Variants in DNAJB6 observed in about 807,000 individuals in gnomAD.
DNAJB6 encodes the protein DnaJ heat shock protein family (Hsp40) member B6.
A neutral mutation model predicts 42.7 loss-of-function variants in DNAJB6; 16 were observed. That is an observed-to-expected ratio of 0.37 (90% confidence interval 0.25 to 0.57). The LOEUF (loss-of-function observed/expected upper bound fraction) is 0.57. DNAJB6 is among the 20% of genes least tolerant of loss of function. The probability of loss-of-function intolerance (pLI) is 0.74; values close to 1 mark genes in which losing one functional copy is unlikely to be tolerated. For missense variants in DNAJB6, 347 were observed against 416.8 expected (o/e 0.83, Z 1.46); for synonymous variants, 170 against 163.5 (o/e 1.04, Z -0.30).
intron 5 of DNAJB6, among the ~76,000 whole-genome samples, chr7:157,375,345 C>G (rs1044342297): frequency 6.6e-6 from 1 of 152,086 alleles, no homozygotes; most frequent in Non-Finnish European, 1.5e-5. Context: ...CGCCAGAGTT[C>G]CTCATCTCAT....
chr7:157,391,797 G>A (rs1801356693), intron 8 of DNAJB6, among the ~76,000 whole-genome samples: 5 of 152,270 alleles, frequency 3.3e-5, no homozygotes, highest in South Asian at 2.1e-4. Context: ...CTTGAGAAAC[G>A]TGTGCATTGA....
chr7:157,399,365 C>T (rs1399033367), intron 8 of DNAJB6, among the ~76,000 whole-genome samples: 1 of 152,216 alleles, frequency 6.6e-6, no homozygotes, highest in East Asian at 1.9e-4. Flanking sequence ...TAAAGAACAG[C>T]CCTGACCGCA....
intron 1 of DNAJB6, among the ~76,000 whole-genome samples, chr7:157,340,601 A>G (rs772161873): frequency 6.6e-6 from 1 of 152,070 alleles, no homozygotes; most frequent in South Asian, 2.1e-4. Context: ...TTTTGTATGG[A>G]CATAAATCAC....
chr7:157,406,698 C>G (rs1245163001), intron 8 of DNAJB6, among the ~76,000 whole-genome samples: 1 of 152,222 alleles, frequency 6.6e-6, no homozygotes, highest in Admixed American at 6.5e-5. Context: ...AGCCGGCCAG[C>G]TCAGCGGCCC....
In DNAJB6 at chr7:157,416,083, C is replaced by T; in HGVS notation, c.966C>T (p.Thr322=). The T allele has an allele frequency of 1.2e-6, 2 of 1,613,830 alleles. No homozygotes were observed. Among genetic ancestry groups the T allele is most frequent in the Non-Finnish European group, 1.7e-6 (2 of 1,179,832 alleles). The part of the protein sequence containing the change: ...QREESKKKKS[T]KGNH ...AGGAGTCGAAGAAGAAGAAGTCGAC[C>T]AAAGGCAATCACTAGACCGGACTTG... is the stretch of plus-strand genomic sequence containing the variant. The change falls in exon 10 of 10, where the codon ACC becomes ACT. Residue 322 remains threonine (T), a synonymous_variant. Transcript: ENST00000262177.
chr7:157,360,435 A>G (rs1345652522), intron 2 of DNAJB6, among the ~76,000 whole-genome samples: 2 of 152,226 alleles, frequency 1.3e-5, no homozygotes, highest in Non-Finnish European at 2.9e-5. Context: ...GCCAGCCCTT[A>G]TCAATGGATA....
intron 8 of DNAJB6, 61 bp from the exon 9 acceptor site, chr7:157,409,734 C>G: frequency 6.8e-7 from 1 of 1,463,306 alleles, no homozygotes; most frequent in African/African-American, 1.4e-5. Flanking sequence ...TCCCTCTGCT[C>G]TGGATGGGGG....
chr7:157,357,554 A>T (rs1799372637), intron 1 of DNAJB6, among the ~76,000 whole-genome samples: 1 of 151,346 alleles, frequency 6.6e-6, no homozygotes, highest in Middle Eastern at 3.4e-3. Context: ...CAAGTGATCC[A>T]CCTCCCTCGG....
intron 1 of DNAJB6, among the ~76,000 whole-genome samples, chr7:157,340,998 G>GTGTGCGCGCGCGCGCT (rs67210462): frequency 0.014 from 1,824 of 134,964 alleles, 13 homozygotes; most frequent in Non-Finnish European, 0.018. Flanking sequence ...GTGTGTGTGT[G>GTGTGCGCGCGCGCGCT]CGCGCGCGCA....
chr7:157,386,385 C>A, intron 8 of DNAJB6: 1 of 900,012 alleles, frequency 1.1e-6, no homozygotes, highest in Non-Finnish European at 1.3e-6. Flanking sequence ...AATAGCGTTT[C>A]GTGCTGTTCA....
intron 1 of DNAJB6, among the ~76,000 whole-genome samples, chr7:157,339,099 A>G (rs1350404464): frequency 1.3e-5 from 2 of 152,154 alleles, no homozygotes; most frequent in Non-Finnish European, 2.9e-5. Context: ...TAAAATATGC[A>G]TATGGTATTA....
At chr7:157,367,505 A>C in intron 5 of DNAJB6, 22 bp downstream of exon 5, 1 of 1,408,304 alleles carries the variant, frequency 7.1e-7, no homozygotes, top group South Asian at 1.1e-5. Flanking sequence ...ACGTGGGTTG[A>C]CTTGGTGTGT....
chr7:157,369,380 G>A (rs1187666033), intron 5 of DNAJB6: 12 of 456,702 alleles, frequency 2.6e-5, no homozygotes, highest in Non-Finnish European at 5.3e-5. Flanking sequence ...TGTTTGGGTT[G>A]AAGTCCTGTG....
intron 2 of DNAJB6, among the ~76,000 whole-genome samples, chr7:157,361,347 C>T (rs186163629): frequency 3.8e-4 from 58 of 152,102 alleles, no homozygotes; most frequent in Non-Finnish European, 5.4e-4. Context: ...TTAATAGAGA[C>T]GGGGTTTCAC....
intron 8 of DNAJB6, among the ~76,000 whole-genome samples, chr7:157,393,278 A>G (rs1584935990): frequency 1.3e-5 from 2 of 152,182 alleles, no homozygotes; most frequent in African/African-American, 4.8e-5. Flanking sequence ...CGCCTCGCCT[A>G]TTCTGATTTT....
intron 1 of DNAJB6, among the ~76,000 whole-genome samples, chr7:157,338,200 C>G (rs1798151739): frequency 6.6e-6 from 1 of 152,202 alleles, no homozygotes; most frequent in South Asian, 2.1e-4. Flanking sequence ...GCTGCTGCTT[C>G]GTGTTTAACC....
intron 1 of DNAJB6, among the ~76,000 whole-genome samples, chr7:157,354,211 G>A (rs1280697966): frequency 1.3e-5 from 2 of 152,014 alleles, no homozygotes; most frequent in African/African-American, 2.4e-5. Context: ...GCAATGGTGC[G>A]ATCTCGGCTC....
chr7:157,341,583 A>T (rs938348155), intron 1 of DNAJB6, among the ~76,000 whole-genome samples: 2 of 152,208 alleles, frequency 1.3e-5, no homozygotes, highest in Non-Finnish European at 2.9e-5. Context: ...TGTTGTGCAT[A>T]TATACGTGTG....
At chr7:157,339,335 C>T (rs1230923380) in intron 1 of DNAJB6, among the ~76,000 whole-genome samples, 8 of 139,572 alleles carry the variant, frequency 5.7e-5, no homozygotes, top group Non-Finnish European at 3.0e-5. Flanking sequence ...GCTCTGTCGC[C>T]CAGGCCGTAA....
Sources: gnomAD v4.1 joint callset for allele counts (sites outside exome capture counted in the v4.1 genomes callset) on GRCh38, gnomAD v4.1.1 for gene constraint, MANE v1.5 for transcripts, NCBI Gene and HGNC (gene_info 2026-07-23, HGNC 2026-07-21) for gene names.